Variants in EPB41 observed in about 807,000 individuals in gnomAD.
EPB41 encodes protein 4.1.
A neutral mutation model predicts 108.0 loss-of-function variants in EPB41; 65 were observed. That is an observed-to-expected ratio of 0.60 (90% CI 0.49 to 0.74). The LOEUF is 0.74. Among genes scored for constraint, EPB41 ranks in the 30% least tolerant of loss-of-function variants. The pLI is 0.00. For synonymous variants in EPB41, 336 were observed against 358.9 expected (o/e 0.94, Z 0.72); for missense variants, 875 against 1,037.0 (o/e 0.84, Z 2.15).
In EPB41 at chr1:29,119,756, GGTT is replaced by G. The variant is rs1437798378; in HGVS notation, c.*2948_*2950del. 6.6e-6 allele frequency: 1 copy of G among 152,630 alleles called. No individual in the cohort carries two copies. The highest frequency in any genetic ancestry group is 1.5e-5 in the Non-Finnish European group (1 of 68,050). The allele number at this position is 152,630 out of a possible 1,614,324, so 9.5% of individuals were successfully genotyped here. A position where few individuals can be genotyped will look rare whatever the true frequency, so the allele number is the denominator to read the frequency against. ...CTGCCCAGGATCTCAGCCCCAGGCT[GGTT>G]GTTTCTACAAATCTCTCTCAAATGT... On this transcript the variant is annotated 3_prime_UTR_variant, in exon 21 of 21. Transcript: ENST00000343067.
intron 1 of EPB41, among the ~76,000 whole-genome samples, chr1:28,956,612 A>G (rs1412982774): frequency 6.6e-6 from 1 of 152,234 alleles, no homozygotes; most frequent in Non-Finnish European, 1.5e-5. Flanking sequence ...CCTTTATGCA[A>G]CACAAAACCA....
intron 9 of EPB41, 107 bp from the exon 10 acceptor site, chr1:29,035,719 C>A: frequency 2.4e-6 from 2 of 834,376 alleles, no homozygotes; most frequent in Non-Finnish European, 2.0e-6. Context: ...AAATTGGTAA[C>A]AATGGCCTCT....
At chr1:29,099,737 A>G (rs1283902445) in intron 17 of EPB41, among the ~76,000 whole-genome samples, 2 of 152,242 alleles carry the variant, frequency 1.3e-5, no homozygotes, top group South Asian at 2.1e-4. Flanking sequence ...AGTTCCCTCT[A>G]TAAACTGAGC....
intron 7 of EPB41, among the ~76,000 whole-genome samples, chr1:29,025,857 G>A (rs981219445): frequency 1.3e-5 from 2 of 151,652 alleles, no homozygotes; most frequent in Non-Finnish European, 2.9e-5. Context: ...TTGGAGGGCA[G>A]CCTGGCATGA....
chr1:29,057,577 TA>T (rs1462643384), intron 12 of EPB41, among the ~76,000 whole-genome samples: 2 of 151,970 alleles, frequency 1.3e-5, no homozygotes, highest in African/African-American at 4.8e-5. Context: ...TTAGTGTGAT[TA>T]AAAAGAATAT....
chr1:29,083,179 A>G (rs932624130), intron 16 of EPB41, among the ~76,000 whole-genome samples: 4 of 151,550 alleles, frequency 2.6e-5, no homozygotes, highest in African/African-American at 9.7e-5. Context: ...ACAACCTTGA[A>G]AAAAAAAAGG....
chr1:28,954,496 T>A (rs2094867585), intron 1 of EPB41, among the ~76,000 whole-genome samples: 1 of 152,214 alleles, frequency 6.6e-6, no homozygotes, highest in Non-Finnish European at 1.5e-5. Context: ...AGCCAATGTA[T>A]GTGTGAGCCA....
chr1:28,972,499 T>G lies in EPB41; in HGVS notation c.-7-14932T>G, dbSNP rs539637061. On this transcript the variant is annotated intron_variant, in intron 1 of 20. Coordinates refer to ENST00000343067, the MANE Select transcript of EPB41 (RefSeq NM_001376013.1). ...TAAAAATATCTTTGAATGAGTTGAT[T>G]CAGCGGTATTAGTCACCATAGAAAT... is the stretch of plus-strand genomic sequence containing the variant. Among the ~76,000 whole-genome samples, 8 of 152,316 alleles carry G rather than the reference T, an allele frequency of 5.3e-5. No individual in the cohort carries two copies. In the South Asian group the frequency reaches 1.7e-3, roughly 32 times the overall value.
At chr1:29,106,332 A>G (rs1667126615) in intron 17 of EPB41, among the ~76,000 whole-genome samples, 1 of 152,198 alleles carries the variant, frequency 6.6e-6, no homozygotes, top group Non-Finnish European at 1.5e-5. Context: ...CCCTTCTGGC[A>G]TGCAAATTCA....
At chr1:28,947,408 G>GACAGACAAACAA (rs1416066720) in intron 1 of EPB41, among the ~76,000 whole-genome samples, 3 of 149,626 alleles carry the variant, frequency 2.0e-5, no homozygotes, top group Admixed American at 6.7e-5. Flanking sequence ...CTCCGTCTCA[G>GACAGACAAACAA]ACAAACAAAC....
chr1:29,010,428 C>T (rs1437577349), intron 4 of EPB41, among the ~76,000 whole-genome samples: 1 of 152,072 alleles, frequency 6.6e-6, no homozygotes, highest in African/African-American at 2.4e-5. Flanking sequence ...AGAGGGGCTC[C>T]TGAGGTGCTA....
intron 1 of EPB41, among the ~76,000 whole-genome samples, chr1:28,937,275 G>A (rs1231753890): frequency 6.6e-6 from 1 of 152,182 alleles, no homozygotes; most frequent in Non-Finnish European, 1.5e-5. Context: ...TTTGAATTGT[G>A]AGAGTACTTT....
At chr1:29,052,257 A>G (rs1296650191) in intron 11 of EPB41, among the ~76,000 whole-genome samples, 1 of 152,164 alleles carries the variant, frequency 6.6e-6, no homozygotes, top group Non-Finnish European at 1.5e-5. Context: ...GCCTCTATGC[A>G]CTGGATGCCA....
At chr1:29,044,878 C>T (rs4634872) in intron 11 of EPB41, among the ~76,000 whole-genome samples, 119,208 of 152,150 alleles carry the variant, frequency 0.78, 47,168 homozygotes, top group East Asian at 0.92. Flanking sequence ...AAATAAAATA[C>T]CATTCTTTCC....
chr1:29,056,245 A>C (rs984796656), intron 12 of EPB41, among the ~76,000 whole-genome samples: 19 of 151,634 alleles, frequency 1.3e-4, no homozygotes, highest in African/African-American at 2.2e-4. Flanking sequence ...AAAAAAAAAA[A>C]AACAAAAAAC....
intron 15 of EPB41, among the ~76,000 whole-genome samples, chr1:29,063,528 C>G (rs1343127796): frequency 1.3e-5 from 2 of 152,128 alleles, no homozygotes; most frequent in African/African-American, 4.8e-5. Context: ...TTTGACATTG[C>G]TTTTGAAAAA....
intron 1 of EPB41, among the ~76,000 whole-genome samples, chr1:28,960,739 A>T (rs1279957472): frequency 2.7e-5 from 4 of 150,640 alleles, no homozygotes; most frequent in Non-Finnish European, 4.4e-5. Flanking sequence ...AAAATTTAAA[A>T]AAAGAAGGCC....
intron 1 of EPB41, among the ~76,000 whole-genome samples, chr1:28,917,246 C>CTG (rs554163319): frequency 0.011 from 1,703 of 151,624 alleles, 23 homozygotes; most frequent in African/African-American, 0.032. Context: ...CCATCTCTCT[C>CTG]TCTGTGTGTG....
intron 1 of EPB41, among the ~76,000 whole-genome samples, chr1:28,976,692 C>T (rs2095615438): frequency 9.3e-6 from 1 of 107,144 alleles, no homozygotes; most frequent in Non-Finnish European, 1.8e-5. Flanking sequence ...AACCGTATCT[C>T]CCCCTGCTGC....
Sources: allele counts gnomAD v4.1 joint callset (sites outside exome capture counted in the v4.1 genomes callset), GRCh38; gene constraint gnomAD v4.1.1; transcripts MANE v1.5; gene names NCBI Gene and HGNC (gene_info 2026-07-23, HGNC 2026-07-21).